The following AGPAT4 variants were observed in gnomAD, a reference collection of about 807,000 sequenced individuals.
The protein encoded by AGPAT4 is 1-acyl-sn-glycerol-3-phosphate acyltransferase delta.
Under a neutral mutation model 48.0 loss-of-function variants are expected in AGPAT4, and 15 were observed. The ratio of observed to expected loss-of-function variants is 0.31; its 90% CI spans 0.21 to 0.48. The LOEUF is 0.48. Among genes scored for constraint, AGPAT4 ranks in the 20% least tolerant of loss-of-function variants. AGPAT4 has a pLI of 0.99. For synonymous variants in AGPAT4, 178 were observed against 198.7 expected, an observed-to-expected ratio of 0.90 and a Z score of 0.88; for missense variants, 314 against 482.5, an observed-to-expected ratio of 0.65 and a Z score of 3.27.
In AGPAT4 at chr6:161,242,737, C is replaced by T. The variant is rs1026333110; in HGVS notation, c.-89-10435G>A. Among the ~76,000 whole-genome samples, 1 of 152,166 alleles carries T rather than the reference C, an allele frequency of 6.6e-6. No individual in the cohort carries two copies. Among genetic ancestry groups the T allele is most frequent in the African/African-American group, 2.4e-5 (1 of 41,438 alleles). On this transcript the variant is annotated intron_variant, in intron 1 of 8. Transcript: ENST00000320285. This position sits in a 1 kb window ranked among gnomAD's most constrained non-coding sequence, Gnocchi z 5.0. The stretch of plus-strand genomic sequence containing the variant: ...AACAGAAATGAAAAAAATTAATCTT[C>T]CAAACAGGGGAAACGTCCACAACAT...
Position 161,204,512 on chromosome 6 carries a change from A to G in AGPAT4, c.178+27524T>C, listed in dbSNP as rs560745591. Among the ~76,000 whole-genome samples, 1 of 152,246 alleles carries G rather than the reference A, an allele frequency of 6.6e-6. No individual in the cohort carries two copies. The highest frequency in any genetic ancestry group is 2.1e-4 in the South Asian group (1 of 4,818). ...ACCCCCTCCAAAATTCTCCCTTTCCAGCTATATTTATCCTTCAGCTGAAGA... is the reference window on the plus strand; with the variant it reads ...ACCCCCTCCAAAATTCTCCCTTTCCGGCTATATTTATCCTTCAGCTGAAGA... On this transcript the variant is annotated intron_variant, in intron 2 of 8. Coordinates refer to ENST00000320285, the MANE Select transcript of AGPAT4 (RefSeq NM_020133.3). This position sits in a 1 kb window ranked among gnomAD's most constrained non-coding sequence, Gnocchi z 4.4.
In AGPAT4 at chr6:161,161,434, T is replaced by C. The variant is rs1779931686; in HGVS notation, c.348+4814A>G. The C allele has an allele frequency of 2.2e-6, 1 of 456,670 alleles. No homozygotes were observed. The allele number at this position is 456,670 out of a possible 1,614,324, so 28.3% of individuals were successfully genotyped here. ...CAGCACACTTGCCAAACCCAGTGAA[T>C]GGTAAGAGGCAGAGGGTGGCGTCCC... On this transcript the variant is annotated intron_variant, in intron 3 of 8. Coordinates refer to ENST00000320285, the MANE Select transcript of AGPAT4 (RefSeq NM_020133.3). This position sits in a 1 kb window ranked among gnomAD's most constrained non-coding sequence, Gnocchi z 4.6.
chr6:161,144,369 C>G lies in AGPAT4; in HGVS notation c.843+2155G>C. On this transcript the variant is annotated intron_variant, in intron 7 of 8. Coordinates refer to ENST00000320285, the MANE Select transcript of AGPAT4 (RefSeq NM_020133.3). This position sits in a 1 kb window ranked among gnomAD's most constrained non-coding sequence, Gnocchi z 6.6. ...ATCTTTCGGACCTGAATTTCCTCAT[C>G]AGTAGTGTAAGAGCTTTGGAGTAGA... 1 of 372,200 alleles carries G rather than the reference C, an allele frequency of 2.7e-6. No homozygotes were observed. Among genetic ancestry groups the G allele is most frequent in the Non-Finnish European group, 5.4e-6 (1 of 185,062 alleles). 23.1% of individuals were successfully genotyped at this position (372,200 alleles called of 1,614,324 possible). A position where few individuals can be genotyped will look rare whatever the true frequency, so the allele number is the denominator to read the frequency against.
intron 1 of AGPAT4, 38 bp downstream of exon 1, chr6:161,273,900 C>G (rs12154116): frequency 0.12 from 17,788 of 151,714 alleles, 1,372 homozygotes; most frequent in African/African-American, 0.22. Flanking sequence ...CCACACCCAG[C>G]GGGGAAGGTG....
At position 161,132,640 on chromosome 6, in the gene AGPAT4, A is replaced by T. The variant is rs566301190; in HGVS notation, c.*3900T>A. On this transcript the variant is annotated 3_prime_UTR_variant, in exon 9 of 9. Transcript: ENST00000320285. ...AATCAGAAAGCATGGTGGAGTCCGA[A>T]AGCATTGGCAAAGCCAGCACATCTG... The T allele has an allele frequency of 6.6e-6, 1 of 152,408 alleles. No individual in the cohort carries two copies. The highest frequency in any genetic ancestry group is 2.1e-4 in the South Asian group (1 of 4,834). The allele number at this position is 152,408 out of a possible 1,614,324, so 9.4% of individuals were successfully genotyped here.
intron 1 of AGPAT4, among the ~76,000 whole-genome samples, chr6:161,239,387 G>GA (rs1782413781): frequency 6.6e-6 from 1 of 152,174 alleles, no homozygotes; most frequent in South Asian, 2.1e-4. Context: ...TCAAAATTCT[G>GA]AAACTATTAA....
intron 2 of AGPAT4, among the ~76,000 whole-genome samples, chr6:161,193,579 C>A (rs745973315): frequency 5.3e-5 from 8 of 152,312 alleles, no homozygotes; most frequent in Non-Finnish European, 1.2e-4. Flanking sequence ...GGCCACTAGA[C>A]CTGTGGGGTG....
In AGPAT4 at chr6:161,212,564, T is replaced by C. The variant is rs1781548516; in HGVS notation, c.178+19472A>G. On this transcript the variant is annotated intron_variant, in intron 2 of 8. Coordinates refer to ENST00000320285, the MANE Select transcript of AGPAT4 (RefSeq NM_020133.3). This position sits in a 1 kb window ranked among gnomAD's most constrained non-coding sequence, Gnocchi z 6.1. ...TGGTTTCCTTTAGGTTGTATTTGTA[T>C]AAATATGTTATTGGTATGTGTTCCA... 6.6e-6 allele frequency among the ~76,000 whole-genome samples: 1 copy of C among 152,208 alleles called. No homozygotes were observed. Among genetic ancestry groups the C allele is most frequent in the South Asian group, 2.1e-4 (1 of 4,834 alleles).
In AGPAT4 at chr6:161,143,694, T is replaced by C. The variant is rs1303481180; in HGVS notation, c.843+2830A>G. 6.6e-6 allele frequency among the ~76,000 whole-genome samples: 1 copy of C among 152,246 alleles called. No homozygotes were observed. Among genetic ancestry groups the C allele is most frequent in the Non-Finnish European group, 1.5e-5 (1 of 68,040 alleles). On this transcript the variant is annotated intron_variant, in intron 7 of 8. Transcript: ENST00000320285. The surrounding 1 kb of genome is among the most constrained non-coding windows in gnomAD (Gnocchi z 4.7). ...CCAAATGCTGACGAGCAAGAAATAC[T>C]GTGCATTTTTCATAAAGCTAAACTA...
intron 2 of AGPAT4, among the ~76,000 whole-genome samples, chr6:161,179,534 A>G (rs1328696876): frequency 6.6e-6 from 1 of 152,226 alleles, no homozygotes; most frequent in Non-Finnish European, 1.5e-5. Flanking sequence ...ACCCTGCACC[A>G]GCCAGTACAT....
chr6:161,187,293 G>C lies in AGPAT4; in HGVS notation c.179-20876C>G, dbSNP rs2114998219. ...TTGTTCAGTATTCTTCTACCATAGA[G>C]TGTGCTTTCCTCAACAGCAGGGTCT... On this transcript the variant is annotated intron_variant, in intron 2 of 8. Transcript: ENST00000320285. Among the ~76,000 whole-genome samples the C allele has an allele frequency of 3.9e-5, 6 of 152,260 alleles. 1 individual carries two copies. In the South Asian group the frequency reaches 1.2e-3, roughly 32 times the overall value.
At chr6:161,186,018 T>C (rs1376670397) in intron 2 of AGPAT4, among the ~76,000 whole-genome samples, 3 of 152,196 alleles carry the variant, frequency 2.0e-5, no homozygotes, top group African/African-American at 7.2e-5. Flanking sequence ...GCTTACTGCA[T>C]GGAGTAGTGA....
rs962275126 is a variant in AGPAT4, at chr6:161,198,673, T to C, written c.179-32256A>G. ...TGCTGTGCCTCGGTTTCCTCATCTG[T>C]CATGGTTGTTATTAGGTTTAAATAA... is the stretch of plus-strand genomic sequence containing the variant. On this transcript the variant is annotated intron_variant, in intron 2 of 8. Transcript: ENST00000320285. This position sits in a 1 kb window ranked among gnomAD's most constrained non-coding sequence, Gnocchi z 4.3. Among the ~76,000 whole-genome samples, 7 of 152,244 alleles carry C rather than the reference T, an allele frequency of 4.6e-5. No individual in the cohort carries two copies. Among genetic ancestry groups the C allele is most frequent in the African/African-American group, 1.7e-4 (7 of 41,458 alleles).
At position 161,132,267 on chromosome 6, in the gene AGPAT4, T is replaced by C. The variant is rs768470978; in HGVS notation, c.*4273A>G. On this transcript the variant is annotated 3_prime_UTR_variant, in exon 9 of 9. Coordinates refer to ENST00000320285, the MANE Select transcript of AGPAT4 (RefSeq NM_020133.3). Reference sequence around the variant, plus strand: ...AGATCTTTGTAGGGAAGCACCCTTCTGAGATGAAACCAATTTCTTGTCCAC... The same window carrying C: ...AGATCTTTGTAGGGAAGCACCCTTCCGAGATGAAACCAATTTCTTGTCCAC... 1.3e-5 allele frequency: 2 copies of C among 152,246 alleles called. No individual in the cohort carries two copies. The highest frequency in any genetic ancestry group is 2.9e-5 in the Non-Finnish European group (2 of 68,046). The allele number at this position is 152,246 out of a possible 1,614,324, so 9.4% of individuals were successfully genotyped here.
In AGPAT4 at chr6:161,219,430, T is replaced by C. The variant is rs1336683318; in HGVS notation, c.178+12606A>G. Among the ~76,000 whole-genome samples, 2 of 152,034 alleles carry C rather than the reference T, an allele frequency of 1.3e-5. No individual in the cohort carries two copies. Among genetic ancestry groups the C allele is most frequent in the Non-Finnish European group, 2.9e-5 (2 of 68,012 alleles). ...TAAATAGAAGCTCTCAGGTTTGTTTTTTCTATACCCCAATGGCTTGTCTTG... is the reference window on the plus strand; with the variant it reads ...TAAATAGAAGCTCTCAGGTTTGTTTCTTCTATACCCCAATGGCTTGTCTTG... On this transcript the variant is annotated intron_variant, in intron 2 of 8. Coordinates refer to ENST00000320285, the MANE Select transcript of AGPAT4 (RefSeq NM_020133.3). This position sits in a 1 kb window ranked among gnomAD's most constrained non-coding sequence, Gnocchi z 4.9.
intron 2 of AGPAT4, among the ~76,000 whole-genome samples, chr6:161,174,696 G>A (rs1780379796): frequency 6.6e-6 from 1 of 152,158 alleles, no homozygotes; most frequent in African/African-American, 2.4e-5. Flanking sequence ...GAATAGGAGT[G>A]GTGAGAGAGG....
chr6:161,152,456 G>A (rs1162374132), intron 5 of AGPAT4, among the ~76,000 whole-genome samples: 1 of 152,160 alleles, frequency 6.6e-6, no homozygotes, highest in East Asian at 1.9e-4. Context: ...AAGCCGGTGG[G>A]TCACCTGGGG....
rs980197330 is a variant in AGPAT4 at position 161,204,400 on chromosome 6, C to A, written c.178+27636G>T. On this transcript the variant is annotated intron_variant, in intron 2 of 8. Transcript: ENST00000320285. This position sits in a 1 kb window ranked among gnomAD's most constrained non-coding sequence, Gnocchi z 4.4. The stretch of plus-strand genomic sequence containing the variant: ...CTTATTGTTTTATTGGATTTAATAG[C>A]GATGCATGTCTCCAATTTAATACTT... 6.6e-6 allele frequency among the ~76,000 whole-genome samples: 1 copy of A among 152,074 alleles called. No homozygotes were observed. The highest frequency in any genetic ancestry group is 1.5e-5 in the Non-Finnish European group (1 of 68,016).
chr6:161,261,049 G>A lies in AGPAT4; in HGVS notation c.-90+12889C>T, dbSNP rs952197041. 6.6e-6 allele frequency among the ~76,000 whole-genome samples: 1 copy of A among 152,166 alleles called. No individual in the cohort carries two copies. Among genetic ancestry groups the A allele is most frequent in the East Asian group, 1.9e-4 (1 of 5,196 alleles). On this transcript the variant is annotated intron_variant, in intron 1 of 8. Transcript: ENST00000320285. This position sits in a 1 kb window ranked among gnomAD's most constrained non-coding sequence, Gnocchi z 5.3. ...GGGCTCACTCTGGTGCTCCGAGCTC[G>A]TGTATTCCGTTCCACCTGCCTGATG...
Sources: gnomAD v4.1 joint callset for allele counts (sites outside exome capture counted in the v4.1 genomes callset) on GRCh38, gnomAD v4.1.1 for gene constraint, Gnocchi (gnomAD v3.1) non-coding constraint, MANE v1.5 for transcripts, NCBI Gene and HGNC (gene_info 2026-07-23, HGNC 2026-07-21) for gene names.